Variants in TBC1D9B observed in about 807,000 individuals in gnomAD.
TBC1D9B encodes TBC1 domain family, member 9B (with GRAM domain).
Under a neutral mutation model 121.1 loss-of-function variants are expected in TBC1D9B, and 87 were observed. The ratio of observed to expected loss-of-function variants is 0.72; its 90% CI spans 0.60 to 0.86. TBC1D9B has a LOEUF of 0.86. Ranked by LOEUF, TBC1D9B falls within the 40% of genes least tolerant of loss-of-function variation. TBC1D9B has a pLI of 0.00. For synonymous variants in TBC1D9B, 668 were observed against 670.1 expected, an observed-to-expected ratio of 1.00 and a Z score of 0.05; for missense variants, 1,540 against 1,628.6, an observed-to-expected ratio of 0.95 and a Z score of 0.94.
intron 3 of TBC1D9B, among the ~76,000 whole-genome samples, chr5:179,894,931 C>T (rs865960529): frequency 5.9e-5 from 9 of 152,318 alleles, no homozygotes; most frequent in Middle Eastern, 3.4e-3. Flanking sequence ...GGCTCAACCA[C>T]GGCTCACTGT....
rs569412491 is a variant in TBC1D9B, at chr5:179,890,080, G to A, written c.1044+1299C>T. ...TTTACCTGGGCAAAGGGTGGAAGAG[G>A]GGTCACTTCCCGAGGGAAGCATGGA... On this transcript the variant is annotated intron_variant, in intron 6 of 20. Transcript: ENST00000355235. The surrounding 1 kb of genome is among the most constrained non-coding windows in gnomAD (Gnocchi z 5.0). 6.6e-6 allele frequency among the ~76,000 whole-genome samples: 1 copy of A among 152,234 alleles called. No individual in the cohort carries two copies. The highest frequency in any genetic ancestry group is 6.5e-5 in the Admixed American group (1 of 15,288).
At chr5:179,864,971 G>A (rs1759965354) in intron 20 of TBC1D9B, among the ~76,000 whole-genome samples, 1 of 152,258 alleles carries the variant, frequency 6.6e-6, no homozygotes, top group Non-Finnish European at 1.5e-5. Context: ...GGTGCAGGGT[G>A]TGGAACGCAT....
intron 3 of TBC1D9B, among the ~76,000 whole-genome samples, chr5:179,897,352 G>A (rs1445095197): frequency 5.0e-5 from 7 of 140,842 alleles, no homozygotes; most frequent in Non-Finnish European, 9.1e-5. Context: ...TCGCTCTGTT[G>A]CCCAGGCTGG....
chr5:179,893,187 C>T (rs765204762), intron 5 of TBC1D9B, 22 bp downstream of exon 5: 46 of 1,585,474 alleles, frequency 2.9e-5, no homozygotes, highest in Non-Finnish European at 3.5e-5. Context: ...TGAGCCCACC[C>T]CAGCCCTGGA....
rs1175230498 is a variant in TBC1D9B, at chr5:179,885,828, T to A, written c.1254+2275A>T. ...AACAGGTCGTGCCCTCCTCTGGTCA[T>A]GACTCTTCACTGGCTTCCCCTCTCA... On this transcript the variant is annotated intron_variant, in intron 7 of 20. Coordinates refer to ENST00000355235, the MANE Select transcript of TBC1D9B (RefSeq NM_015043.4). This position sits in a 1 kb window ranked among gnomAD's most constrained non-coding sequence, Gnocchi z 4.5. Among the ~76,000 whole-genome samples the A allele has an allele frequency of 6.6e-6, 1 of 152,170 alleles. No individual in the cohort carries two copies. The highest frequency in any genetic ancestry group is 1.5e-5 in the Non-Finnish European group (1 of 68,016).
At chr5:179,882,582 C>T (rs976804027) in intron 7 of TBC1D9B, among the ~76,000 whole-genome samples, 1 of 152,138 alleles carries the variant, frequency 6.6e-6, no homozygotes, top group Non-Finnish European at 1.5e-5. Context: ...AAATGTTACT[C>T]TGTATAATCT....
rs1759981358 is a variant in TBC1D9B at position 179,865,455 on chromosome 5, A to G, written c.2915-95T>C. The G allele has an allele frequency of 5.9e-6, 7 of 1,190,272 alleles. No individual in the cohort carries two copies. The highest frequency in any genetic ancestry group is 6.2e-6 in the Non-Finnish European group (5 of 801,570). The allele number at this position is 1,190,272 out of a possible 1,614,324, so 73.7% of individuals were successfully genotyped here. A position where few individuals can be genotyped will look rare whatever the true frequency, so the allele number is the denominator to read the frequency against. On this transcript the variant is annotated intron_variant, in intron 19 of 20. Transcript: ENST00000355235. This position sits in a 1 kb window ranked among gnomAD's most constrained non-coding sequence, Gnocchi z 5.1. ...AAGAGTTGGGTGTTTTCTGGCATGG[A>G]GTTACCAGGGCCCTATCATAAAACA...
chr5:179,905,668 A>G (rs1761291351), intron 1 of TBC1D9B, among the ~76,000 whole-genome samples: 1 of 152,246 alleles, frequency 6.6e-6, no homozygotes, highest in Non-Finnish European at 1.5e-5. Context: ...CTGACAAATC[A>G]GCAGGAAATA....
chr5:179,871,586 G>T, intron 14 of TBC1D9B, 56 bp from the exon 15 acceptor site: 1 of 1,568,772 alleles, frequency 6.4e-7, no homozygotes. Flanking sequence ...TGGCACAGAA[G>T]TACGGCACTC....
chr5:179,888,656 C>T (rs1238129172), intron 6 of TBC1D9B, among the ~76,000 whole-genome samples: 1 of 152,204 alleles, frequency 6.6e-6, no homozygotes, highest in Non-Finnish European at 1.5e-5. Context: ...GGACTGTTCC[C>T]TGCACTTGTT....
Position 179,891,337 on chromosome 5 carries a change from G to C in TBC1D9B, c.1044+42C>G. On this transcript the variant is annotated intron_variant, in intron 6 of 20. Coordinates refer to ENST00000355235, the MANE Select transcript of TBC1D9B (RefSeq NM_015043.4). This position sits in a 1 kb window ranked among gnomAD's most constrained non-coding sequence, Gnocchi z 4.3. ...TGGTCCCTGAGCCCACTGACACCTC[G>C]GGGCTGGAAAGGCCTTGGCCTCTCA... 6.2e-7 allele frequency: 1 copy of C among 1,609,696 alleles called. No individual in the cohort carries two copies. Among genetic ancestry groups the C allele is most frequent in the Non-Finnish European group, 8.5e-7 (1 of 1,176,370 alleles).
intron 10 of TBC1D9B, 45 bp downstream of exon 10, chr5:179,878,264 C>T (rs1760418864): frequency 1.9e-6 from 3 of 1,571,924 alleles, no homozygotes; most frequent in East Asian, 4.6e-5. Context: ...TCCTGTGAAC[C>T]TCTGGTGGCA....
Position 179,902,591 on chromosome 5 carries a change from C to T in TBC1D9B, c.229+2111G>A, listed in dbSNP as rs531497804. On this transcript the variant is annotated intron_variant, in intron 2 of 20. Coordinates refer to ENST00000355235, the MANE Select transcript of TBC1D9B (RefSeq NM_015043.4). The surrounding 1 kb of genome is among the most constrained non-coding windows in gnomAD (Gnocchi z 4.9). ...CATGGGCTCCGCTGCGTGGCTGTGG[C>T]TGGGCCCCTCCCCAGCACCAGGCCT... 6.8e-4 allele frequency among the ~76,000 whole-genome samples: 104 copies of T among 152,302 alleles called. No individual in the cohort carries two copies. Among genetic ancestry groups the T allele is most frequent in the African/African-American group, 2.4e-3 (101 of 41,572 alleles).
intron 2 of TBC1D9B, among the ~76,000 whole-genome samples, chr5:179,901,349 C>T (rs914973021): frequency 6.6e-6 from 1 of 152,142 alleles, no homozygotes; most frequent in Non-Finnish European, 1.5e-5. Flanking sequence ...TTGCCAGGAA[C>T]CCACAGTTGA....
chr5:179,884,058 G>T (rs1760609206), intron 7 of TBC1D9B, among the ~76,000 whole-genome samples: 1 of 152,102 alleles, frequency 6.6e-6, no homozygotes, highest in Non-Finnish European at 1.5e-5. Context: ...TTTCAGAAGA[G>T]AAGTTTTTGT....
At chr5:179,897,410 C>G (rs993319008) in intron 3 of TBC1D9B, among the ~76,000 whole-genome samples, 13 of 151,078 alleles carry the variant, frequency 8.6e-5, no homozygotes, top group Non-Finnish European at 1.5e-4. Context: ...CCTCCTAAGT[C>G]CAAGTGATTC....
In TBC1D9B at chr5:179,865,422, G is replaced by C; in HGVS notation, c.2915-62C>G. 6.7e-7 allele frequency: 1 copy of C among 1,492,634 alleles called. No homozygotes were observed. Among genetic ancestry groups the C allele is most frequent in the Non-Finnish European group, 9.3e-7 (1 of 1,070,712 alleles). The allele number at this position is 1,492,634 out of a possible 1,614,324, so 92.5% of individuals were successfully genotyped here. On this transcript the variant is annotated intron_variant, in intron 19 of 20. Transcript: ENST00000355235. This position sits in a 1 kb window ranked among gnomAD's most constrained non-coding sequence, Gnocchi z 5.1. ...GTGAGACGGCTGCGGGCTGACAGCAGGGAGAGGAAGAGTTGGGTGTTTTCT... is the reference window on the plus strand; with the variant it reads ...GTGAGACGGCTGCGGGCTGACAGCACGGAGAGGAAGAGTTGGGTGTTTTCT...
rs1224528832 is a variant in TBC1D9B at position 179,865,246 on chromosome 5, G to A, written c.3021+8C>T. ...GAAATGTCTACTGTGGGCTCCAGTG[G>A]AGCCTACCTGGTTCATCTTGGGAAG... is the stretch of plus-strand genomic sequence containing the variant. On this transcript the variant is annotated splice_region_variant and intron_variant, in intron 20 of 20. Coordinates refer to ENST00000355235, the MANE Select transcript of TBC1D9B (RefSeq NM_015043.4). The surrounding 1 kb of genome is among the most constrained non-coding windows in gnomAD (Gnocchi z 5.1). 1 of 1,613,880 alleles carries A rather than the reference G, an allele frequency of 6.2e-7. No homozygotes were observed. Among genetic ancestry groups the A allele is most frequent in the Non-Finnish European group, 8.5e-7 (1 of 1,179,744 alleles).
chr5:179,881,253 G>C (rs1462672517), intron 7 of TBC1D9B, among the ~76,000 whole-genome samples: 1 of 152,140 alleles, frequency 6.6e-6, no homozygotes, highest in African/African-American at 2.4e-5. Flanking sequence ...TCCTAGTCCA[G>C]TCCTCCCCTC....
Sources: gnomAD v4.1 joint callset for allele counts (sites outside exome capture counted in the v4.1 genomes callset) on GRCh38, gnomAD v4.1.1 for gene constraint, Gnocchi (gnomAD v3.1) non-coding constraint, MANE v1.5 for transcripts, NCBI Gene and HGNC (gene_info 2026-07-23, HGNC 2026-07-21) for gene names.